ITGA11: variants seen among roughly 807,000 people sequenced by gnomAD.
ITGA11 encodes integrin alpha-11.
ITGA11 carries 97 observed loss-of-function variants against 141.9 expected under a neutral mutation model. The ratio of observed to expected loss-of-function variants is 0.68; its 90% CI spans 0.58 to 0.81. The LOEUF is 0.81. Ranked by LOEUF, ITGA11 falls within the 30% of genes least tolerant of loss-of-function variation. The probability of loss-of-function intolerance (pLI) is 0.00; values close to 1 mark genes in which losing one functional copy is unlikely to be tolerated. For missense variants in ITGA11, 1,387 were observed against 1,559.2 expected (o/e 0.89, Z 1.86); for synonymous variants, 658 against 624.6 (o/e 1.05, Z -0.80).
At chr15:68,381,719 C>A (rs1386269937) in intron 2 of ITGA11, among the ~76,000 whole-genome samples, 3 of 152,176 alleles carry the variant, frequency 2.0e-5, no homozygotes, top group African/African-American at 7.2e-5. Context: ...CCATGCCCAA[C>A]TAAATTTTGT....
chr15:68,324,155 C>T lies in ITGA11; in HGVS notation c.2322+976G>A, dbSNP rs529617690. ...AGGAGAAAGAGGGGAGGTGTGAGGA[C>T]GGAGGTTTGGCAGGGGACTGTGGGA... On this transcript the variant is annotated intron_variant, in intron 18 of 29. Transcript: ENST00000315757. This position sits in a 1 kb window ranked among gnomAD's most constrained non-coding sequence, Gnocchi z 6.3. Among the ~76,000 whole-genome samples the T allele has an allele frequency of 2.0e-4, 26 of 131,518 alleles. No individual in the cohort carries two copies. Among genetic ancestry groups the T allele is most frequent in the African/African-American group, 6.1e-4 (21 of 34,294 alleles). 86.3% of individuals were successfully genotyped at this position (131,518 alleles called of 152,430 possible).
chr15:68,347,740 G>A (rs1894783584), intron 10 of ITGA11, among the ~76,000 whole-genome samples: 1 of 152,172 alleles, frequency 6.6e-6, no homozygotes, highest in Non-Finnish European at 1.5e-5. Flanking sequence ...ACCTTCTCAT[G>A]CCTTGAATTC....
At chr15:68,381,654 C>G (rs915452557) in intron 2 of ITGA11, among the ~76,000 whole-genome samples, 1 of 152,036 alleles carries the variant, frequency 6.6e-6, no homozygotes. Context: ...CTCCCGGGCT[C>G]AAGCGATTCT....
intron 1 of ITGA11, among the ~76,000 whole-genome samples, chr15:68,411,918 A>G (rs1288331708): frequency 6.6e-6 from 1 of 152,084 alleles, no homozygotes; most frequent in African/African-American, 2.4e-5. Context: ...TATTCGGAGC[A>G]GAGCTGCCCC....
chr15:68,327,529 T>C (rs1158312836), intron 16 of ITGA11, among the ~76,000 whole-genome samples: 1 of 152,134 alleles, frequency 6.6e-6, no homozygotes, highest in African/African-American at 2.4e-5. Flanking sequence ...CTGTTTCCTG[T>C]GCCAGCACAG....
In ITGA11 at chr15:68,335,652, G is replaced by T. The variant is rs1265104296; in HGVS notation, c.1425+45C>A. 1.2e-6 allele frequency: 2 copies of T among 1,600,702 alleles called. No homozygotes were observed. Among genetic ancestry groups the T allele is most frequent in the Non-Finnish European group, 8.5e-7 (1 of 1,171,900 alleles). On this transcript the variant is annotated intron_variant, in intron 12 of 29. Transcript: ENST00000315757. The surrounding 1 kb of genome is among the most constrained non-coding windows in gnomAD (Gnocchi z 4.9). ...TACTGCCCTCCCATTTGTCTGATCT[G>T]CCCCCTCTTCCCTCCATCCCGGCCC...
intron 2 of ITGA11, among the ~76,000 whole-genome samples, chr15:68,387,690 G>T (rs1896019733): frequency 6.6e-6 from 1 of 152,076 alleles, no homozygotes; most frequent in African/African-American, 2.4e-5. Flanking sequence ...GGTAGAGGCT[G>T]CCCAGTGCTG....
chr15:68,395,569 T>C (rs567295558), intron 2 of ITGA11, among the ~76,000 whole-genome samples: 4 of 148,462 alleles, frequency 2.7e-5, no homozygotes, highest in African/African-American at 1.0e-4. Context: ...AGTGTATCAG[T>C]GATTGAAGAT....
intron 24 of ITGA11, 57 bp from the exon 25 acceptor site, chr15:68,311,460 G>A (rs927612323): frequency 1.0e-5 from 13 of 1,251,414 alleles, no homozygotes; most frequent in African/African-American, 1.5e-5. Context: ...TGGAAAACAA[G>A]GTCCACAGGG....
chr15:68,327,462 C>A (rs1364645571), intron 16 of ITGA11, among the ~76,000 whole-genome samples: 4 of 152,248 alleles, frequency 2.6e-5, no homozygotes, highest in African/African-American at 7.2e-5. Flanking sequence ...TCCTCATCTT[C>A]CCTTTGGTCT....
chr15:68,361,520 G>A lies in ITGA11; in HGVS notation c.472+70C>T, dbSNP rs80062028. The A allele has an allele frequency of 2.8e-3, 2,795 of 1,003,204 alleles. 76 individuals carry two copies. In the East Asian group the frequency reaches 0.057, roughly 20 times the overall value. 62.1% of individuals were successfully genotyped at this position (1,003,204 alleles called of 1,614,324 possible). On this transcript the variant is annotated intron_variant, in intron 5 of 29. Transcript: ENST00000315757. ...TACTGCTTTCTAGCCACAGGTTGTT[G>A]TGCTCAGGGCCCAAGTCTCTCTGGA...
At chr15:68,414,583 C>T (rs890949500) in intron 1 of ITGA11, among the ~76,000 whole-genome samples, 6 of 152,210 alleles carry the variant, frequency 3.9e-5, no homozygotes, top group African/African-American at 1.4e-4. Context: ...GGTCTACAAA[C>T]ATTTCCAGTA....
intron 1 of ITGA11, among the ~76,000 whole-genome samples, chr15:68,403,755 C>T (rs1896569086): frequency 1.3e-5 from 2 of 152,082 alleles, no homozygotes; most frequent in Non-Finnish European, 2.9e-5. Context: ...GTGCCTCAGC[C>T]TCCCAAGGAG....
At chr15:68,396,240 A>G (rs531607635) in intron 2 of ITGA11, among the ~76,000 whole-genome samples, 15 of 138,334 alleles carry the variant, frequency 1.1e-4, no homozygotes, top group African/African-American at 4.0e-4. Flanking sequence ...TAGTTAAAGA[A>G]AATATCAATC....
intron 2 of ITGA11, among the ~76,000 whole-genome samples, chr15:68,397,798 T>C (rs1169211140): frequency 9.4e-6 from 1 of 106,648 alleles, no homozygotes; most frequent in Non-Finnish European, 1.8e-5. Context: ...TAATATAAAA[T>C]TATTAATAAT....
intron 2 of ITGA11, among the ~76,000 whole-genome samples, chr15:68,394,549 A>T (rs1235033960): frequency 6.6e-6 from 1 of 152,052 alleles, no homozygotes. Context: ...AGAAAAAGAT[A>T]AATTAAATAA....
At chr15:68,337,944 C>G (rs973219004) in intron 11 of ITGA11, among the ~76,000 whole-genome samples, 1 of 152,090 alleles carries the variant, frequency 6.6e-6, no homozygotes, top group African/African-American at 2.4e-5. Context: ...GCGGTGGAGA[C>G]CTGGTGTAGG....
At chr15:68,365,366 A>G in intron 3 of ITGA11, 2 of 986,276 alleles carry the variant, frequency 2.0e-6, no homozygotes, top group Non-Finnish European at 2.4e-6. Flanking sequence ...TGCCATTCTG[A>G]AGGAGGCTGC....
intron 1 of ITGA11, among the ~76,000 whole-genome samples, chr15:68,403,450 G>A (rs72745265): frequency 0.023 from 3,546 of 152,008 alleles, 59 homozygotes; most frequent in South Asian, 0.032. Flanking sequence ...TAAGAGTGTG[G>A]GGCCTCCCCC....
Sources: allele counts gnomAD v4.1 joint callset (sites outside exome capture counted in the v4.1 genomes callset), GRCh38; gene constraint gnomAD v4.1.1; non-coding constraint Gnocchi (gnomAD v3.1); transcripts MANE v1.5; gene names NCBI Gene and HGNC (gene_info 2026-07-23, HGNC 2026-07-21).